Variants in NECAP2 observed in about 807,000 individuals in gnomAD.
NECAP2 encodes NECAP endocytosis associated 2, also known as adaptin ear-binding coat-associated protein 2.
NECAP2 carries 38 observed loss-of-function variants against 37.8 expected under a neutral mutation model. The ratio of observed to expected loss-of-function variants is 1.01; its 90% CI spans 0.78 to 1.32. The LOEUF (loss-of-function observed/expected upper bound fraction) is 1.32. Among genes scored for constraint, NECAP2 ranks in the 40% most tolerant of loss-of-function variants. The probability of loss-of-function intolerance (pLI) is 0.00; values close to 1 mark genes in which losing one functional copy is unlikely to be tolerated. For synonymous variants in NECAP2, 121 were observed against 127.7 expected (o/e 0.95, Z 0.35); for missense variants, 316 against 334.5 (o/e 0.94, Z 0.43).
chr1:16,452,911 C>T (rs2086867465), intron 6 of NECAP2, among the ~76,000 whole-genome samples: 1 of 152,174 alleles, frequency 6.6e-6, no homozygotes, highest in South Asian at 2.1e-4. Context: ...ATTCCTAAGC[C>T]TCCCCAACAT....
chr1:16,458,740 G>A, intron 7 of NECAP2, 102 bp from the exon 8 acceptor site: 3 of 1,204,952 alleles, frequency 2.5e-6, no homozygotes, highest in Non-Finnish European at 3.6e-6. Flanking sequence ...TTTAGGAACT[G>A]GCTTCTTAGA....
chr1:16,444,331 C>T (rs940373490), intron 2 of NECAP2, among the ~76,000 whole-genome samples: 11 of 152,172 alleles, frequency 7.2e-5, no homozygotes, highest in African/African-American at 2.7e-4. Context: ...AGCCGAGACC[C>T]CTAGTGGGGT....
intron 2 of NECAP2, among the ~76,000 whole-genome samples, chr1:16,445,778 C>A (rs943940478): frequency 6.6e-6 from 1 of 152,118 alleles, no homozygotes; most frequent in Non-Finnish European, 1.5e-5. Context: ...GTGGTGCACA[C>A]CTGTGATCCC....
chr1:16,445,401 G>C (rs937071036), intron 2 of NECAP2, among the ~76,000 whole-genome samples: 1 of 152,224 alleles, frequency 6.6e-6, no homozygotes, highest in African/African-American at 2.4e-5. Context: ...GCAGATGCCA[G>C]TAGCACCCCC....
At chr1:16,441,060 G>T in intron 1 of NECAP2, 1 of 576,778 alleles carries the variant, frequency 1.7e-6, no homozygotes, top group South Asian at 2.2e-5. Context: ...ACTCCTGGCG[G>T]CGGGGAGGGC....
intron 7 of NECAP2, among the ~76,000 whole-genome samples, chr1:16,457,959 C>T (rs2086951266): frequency 6.6e-6 from 1 of 152,032 alleles, no homozygotes; most frequent in Non-Finnish European, 1.5e-5. Flanking sequence ...AGTCCGCCTA[C>T]CTCAGCCTCC....
Position 16,440,761 on chromosome 1 carries a change from G to C in NECAP2, c.-1G>C. ...AAGTTCGGTGGGCTCCAGGCGTCGCGATGGAGGAGAGCGGGTACGAGTCGG... is the reference window on the plus strand; with the variant it reads ...AAGTTCGGTGGGCTCCAGGCGTCGCCATGGAGGAGAGCGGGTACGAGTCGG... On this transcript the variant is annotated 5_prime_UTR_variant, in exon 1 of 8. Coordinates refer to ENST00000337132, the MANE Select transcript of NECAP2 (RefSeq NM_018090.5). The C allele has an allele frequency of 6.2e-7, 1 of 1,613,462 alleles. No individual in the cohort carries two copies. Among genetic ancestry groups the C allele is most frequent in the South Asian group, 1.1e-5 (1 of 91,066 alleles).
chr1:16,455,965 A>G (rs1197831955), intron 7 of NECAP2, 72 bp downstream of exon 7: 1 of 1,070,350 alleles, frequency 9.3e-7, no homozygotes, highest in Non-Finnish European at 1.4e-6. Context: ...ATTGTTCCAC[A>G]TGCCTGCCTT....
chr1:16,450,908 A>G (rs1365300561), intron 5 of NECAP2: 1 of 152,212 alleles, frequency 6.6e-6, no homozygotes, highest in Non-Finnish European at 1.5e-5. Flanking sequence ...AGATCGAGCC[A>G]TTCATTGCAC....
chr1:16,452,154 C>T, intron 6 of NECAP2, 139 bp downstream of exon 6: 1 of 906,534 alleles, frequency 1.1e-6, no homozygotes, highest in Non-Finnish European at 1.7e-6. Context: ...AGGCGGGCAC[C>T]CAAAGCTCAT....
intron 6 of NECAP2, 56 bp from the exon 7 acceptor site, chr1:16,455,762 C>CT (rs754114635): frequency 7.1e-7 from 1 of 1,417,932 alleles, no homozygotes; most frequent in South Asian, 1.1e-5. Context: ...AGAAAGGTCT[C>CT]TGACTTCTCT....
chr1:16,448,815 C>T (rs746470486), intron 4 of NECAP2, among the ~76,000 whole-genome samples: 3 of 152,138 alleles, frequency 2.0e-5, no homozygotes, highest in Admixed American at 1.3e-4. Flanking sequence ...TGTTAGGACC[C>T]TCTACGTAAG....
rs550944214 is a variant in NECAP2, at chr1:16,446,991, C to T, written c.194-879C>T. On this transcript the variant is annotated intron_variant, in intron 2 of 7. Coordinates refer to ENST00000337132, the MANE Select transcript of NECAP2 (RefSeq NM_018090.5). ...AGGAGAATCACTTGAACCTGGGAGG[C>T]GGAGGTTGCAGTGAGCCGAGATTGC... Among the ~76,000 whole-genome samples, 14 of 148,194 alleles carry T rather than the reference C, an allele frequency of 9.4e-5. No homozygotes were observed. The East Asian group carries it at 2.6e-3, about 28-fold the overall frequency.
Position 16,459,015 on chromosome 1 carries a change from G to C in NECAP2, c.*125G>C. 1.3e-6 allele frequency: 2 copies of C among 1,564,988 alleles called. No individual in the cohort carries two copies. The highest frequency in any genetic ancestry group is 3.4e-4 in the Middle Eastern group (2 of 5,942). ...GGCATGAATCTCTCCTCTCCTCCTTGTCTGGCTCTGTTGACAAACCGGGCA... is the reference window on the plus strand; with the variant it reads ...GGCATGAATCTCTCCTCTCCTCCTTCTCTGGCTCTGTTGACAAACCGGGCA... On this transcript the variant is annotated 3_prime_UTR_variant, in exon 8 of 8. Coordinates refer to ENST00000337132, the MANE Select transcript of NECAP2 (RefSeq NM_018090.5).
At chr1:16,457,260 A>T (rs2086934682) in intron 7 of NECAP2, among the ~76,000 whole-genome samples, 1 of 152,148 alleles carries the variant, frequency 6.6e-6, no homozygotes. Flanking sequence ...GTTCAAGACC[A>T]GCCTGGCCAA....
At chr1:16,458,777 CT>C (rs1175215551) in intron 7 of NECAP2, 64 bp from the exon 8 acceptor site, 1 of 1,574,396 alleles carries the variant, frequency 6.4e-7, no homozygotes, top group Admixed American at 1.8e-5. Flanking sequence ...GAGAAACCAA[CT>C]TTTATCTGCT....
At chr1:16,446,687 G>A (rs2086768375) in intron 2 of NECAP2, among the ~76,000 whole-genome samples, 1 of 152,012 alleles carries the variant, frequency 6.6e-6, no homozygotes, top group South Asian at 2.1e-4. Flanking sequence ...GGAACTAAAT[G>A]TGCATGCCAC....
At chr1:16,455,404 T>G (rs973530582) in intron 6 of NECAP2, 2 of 194,826 alleles carry the variant, frequency 1.0e-5, no homozygotes, top group Non-Finnish European at 2.2e-5. Flanking sequence ...AGGCTTGATA[T>G]GAAGATGATC....
intron 4 of NECAP2, among the ~76,000 whole-genome samples, chr1:16,448,596 C>A (rs79672808): frequency 6.6e-6 from 1 of 152,326 alleles, no homozygotes; most frequent in African/African-American, 2.4e-5. Context: ...CGGCCACTCA[C>A]ATGGGCGCCT....
Sources: gnomAD v4.1 joint callset for allele counts (sites outside exome capture counted in the v4.1 genomes callset) on GRCh38, gnomAD v4.1.1 for gene constraint, MANE v1.5 for transcripts, NCBI Gene and HGNC (gene_info 2026-07-23, HGNC 2026-07-21) for gene names.